The following PRDM6 variants were observed in gnomAD, a reference collection of about 807,000 sequenced individuals.
The protein encoded by PRDM6 is PR/SET domain 6, also known as putative histone-lysine N-methyltransferase PRDM6.
PRDM6 carries 25 observed loss-of-function variants against 60.8 expected under a neutral mutation model. The ratio of observed to expected loss-of-function variants is 0.41; its 90% CI spans 0.30 to 0.57. The LOEUF (loss-of-function observed/expected upper bound fraction) is 0.57. Ranked by LOEUF, PRDM6 falls within the 20% of genes least tolerant of loss-of-function variation. The pLI, the probability that PRDM6 is intolerant of heterozygous loss-of-function variation, is 0.27. For missense variants in PRDM6, 839 were observed against 821.3 expected (o/e 1.02, Z -0.26); for synonymous variants, 407 against 357.4 (o/e 1.14, Z -1.57).
chr5:123,167,467 G>A (rs1473421749), intron 5 of PRDM6, among the ~76,000 whole-genome samples: 2 of 151,300 alleles, frequency 1.3e-5, no homozygotes, highest in Non-Finnish European at 2.9e-5. Context: ...TCGGCTCACC[G>A]CAACCTCTGC....
chr5:123,144,334 C>T (rs770168733), intron 3 of PRDM6, among the ~76,000 whole-genome samples: 1 of 152,194 alleles, frequency 6.6e-6, no homozygotes, highest in Non-Finnish European at 1.5e-5. Flanking sequence ...TACACATTTT[C>T]GAATTCCTTT....
At chr5:123,186,420 T>C (rs1000098407) in intron 7 of PRDM6, among the ~76,000 whole-genome samples, 14 of 152,202 alleles carry the variant, frequency 9.2e-5, no homozygotes, top group African/African-American at 3.4e-4. Context: ...AAGTGTGACA[T>C]TTTCTCCTCA....
intron 2 of PRDM6, among the ~76,000 whole-genome samples, chr5:123,096,376 A>G (rs1481904429): frequency 6.6e-6 from 1 of 152,034 alleles, no homozygotes; most frequent in Non-Finnish European, 1.5e-5. Context: ...AGGTGTTTAT[A>G]CTCTGCTAGA....
chr5:123,097,508 G>A (rs1330413017), intron 2 of PRDM6, among the ~76,000 whole-genome samples: 1 of 152,154 alleles, frequency 6.6e-6, no homozygotes, highest in Non-Finnish European at 1.5e-5. Context: ...TCTGCAGAAT[G>A]GGAATCATGA....
Position 123,187,385 on chromosome 5 carries a change from A to C in PRDM6, c.*184A>C. 1 of 473,242 alleles carries C rather than the reference A, an allele frequency of 2.1e-6. No homozygotes were observed. The allele number at this position is 473,242 out of a possible 1,614,324, so 29.3% of individuals were successfully genotyped here. A position where few individuals can be genotyped will look rare whatever the true frequency, so the allele number is the denominator to read the frequency against. ...GCATGGAAGTCAGACCAGGAAAGAGATTATTTATTTATGACTTAGGGATGA... is the reference window on the plus strand; with the variant it reads ...GCATGGAAGTCAGACCAGGAAAGAGCTTATTTATTTATGACTTAGGGATGA... On this transcript the variant is annotated 3_prime_UTR_variant, in exon 8 of 8. Transcript: ENST00000407847.
At chr5:123,139,144 G>A (rs1010399625) in intron 3 of PRDM6, among the ~76,000 whole-genome samples, 19 of 152,186 alleles carry the variant, frequency 1.2e-4, no homozygotes, top group Non-Finnish European at 5.9e-5. Flanking sequence ...CTACCATGCG[G>A]AACTGTGAGT....
At chr5:123,097,620 T>C (rs950949640) in intron 2 of PRDM6, among the ~76,000 whole-genome samples, 2 of 152,058 alleles carry the variant, frequency 1.3e-5, no homozygotes, top group African/African-American at 4.8e-5. Context: ...CAAAATGTCT[T>C]GAAGTTTTTA....
intron 3 of PRDM6, among the ~76,000 whole-genome samples, chr5:123,138,811 A>G (rs1765030937): frequency 6.6e-6 from 1 of 152,214 alleles, no homozygotes; most frequent in Non-Finnish European, 1.5e-5. Flanking sequence ...TAAGGAGAGA[A>G]GCAGCAGGGC....
At chr5:123,142,894 A>AC (rs1765141923) in intron 3 of PRDM6, among the ~76,000 whole-genome samples, 2 of 149,024 alleles carry the variant, frequency 1.3e-5, no homozygotes. Flanking sequence ...AAAAAAAAAA[A>AC]AAAAAAAACA....
intron 3 of PRDM6, among the ~76,000 whole-genome samples, chr5:123,146,014 C>A (rs1011625540): frequency 6.6e-6 from 1 of 152,122 alleles, no homozygotes; most frequent in African/African-American, 2.4e-5. Context: ...TGTGTGTCTG[C>A]GCATGTATAG....
At chr5:123,153,397 G>C (rs1765417096) in intron 3 of PRDM6, among the ~76,000 whole-genome samples, 3 of 152,176 alleles carry the variant, frequency 2.0e-5, no homozygotes, top group Non-Finnish European at 4.4e-5. Context: ...TGGATTTGAT[G>C]ATGGCTAGGC....
In PRDM6 at chr5:123,129,675, A is replaced by G. The variant is rs145810389; in HGVS notation, c.901-26209A>G. Among the ~76,000 whole-genome samples, 745 of 152,300 alleles carry G rather than the reference A, an allele frequency of 4.9e-3. 2 individuals are homozygous for G. The highest frequency in any genetic ancestry group is 0.014 in the Middle Eastern group (4 of 294). ...AAACCTGTAGGTCTATCCTAAATTC[A>G]CTGAATTTAGGTGTGTGAGAAACAC... On this transcript the variant is annotated intron_variant, in intron 3 of 7. Coordinates refer to ENST00000407847, the MANE Select transcript of PRDM6 (RefSeq NM_001136239.4).
At chr5:123,152,009 A>AG (rs971387555) in intron 3 of PRDM6, among the ~76,000 whole-genome samples, 11 of 152,224 alleles carry the variant, frequency 7.2e-5, no homozygotes, top group African/African-American at 2.4e-4. Flanking sequence ...AAAAAAAAAC[A>AG]GAAAAAAACA....
intron 3 of PRDM6, among the ~76,000 whole-genome samples, chr5:123,119,494 C>T (rs956329294): frequency 6.6e-6 from 1 of 152,170 alleles, no homozygotes; most frequent in Non-Finnish European, 1.5e-5. Context: ...TCCTCAGCTG[C>T]AACATCTACA....
chr5:123,178,913 A>T (rs1267909876), intron 6 of PRDM6, among the ~76,000 whole-genome samples: 2 of 152,236 alleles, frequency 1.3e-5, no homozygotes, highest in Admixed American at 6.5e-5. Context: ...AAGGTTGAGC[A>T]ATTAAGTCTG....
rs1160933650 is a variant in PRDM6 at position 123,180,186 on chromosome 5, G to A, written c.1536G>A (p.Gln512=). The part of the protein sequence containing the change: ...QCGHCSQSFS[Q]PSELRNHVVT... ...GCCACTGCTCCCAGTCCTTTTCCCA[G>A]CCTTCAGAACTGAGGAACCACGTGG... The change falls in exon 7 of 8, where the codon CAG becomes CAA. Residue 512 remains glutamine, a synonymous_variant. Coordinates refer to ENST00000407847, the MANE Select transcript of PRDM6 (RefSeq NM_001136239.4). The A allele has an allele frequency of 6.4e-7, 1 of 1,551,672 alleles. No homozygotes were observed. Among genetic ancestry groups the A allele is most frequent in the Admixed American group, 2.0e-5 (1 of 50,960 alleles).
At chr5:123,120,895 T>C (rs1764564795) in intron 3 of PRDM6, among the ~76,000 whole-genome samples, 1 of 152,240 alleles carries the variant, frequency 6.6e-6, no homozygotes, top group African/African-American at 2.4e-5. Flanking sequence ...TTCTGTATAT[T>C]GGGAATTATC....
chr5:123,155,508 C>CTCGAATGTGGA (rs1425315939), intron 3 of PRDM6, among the ~76,000 whole-genome samples: 1 of 151,916 alleles, frequency 6.6e-6, no homozygotes, highest in African/African-American at 2.4e-5. Flanking sequence ...ACTGGGGGGC[C>CTCGAATGTGGA]TCGAATGTGG....
At chr5:123,123,122 A>G (rs915289134) in intron 3 of PRDM6, among the ~76,000 whole-genome samples, 1 of 152,210 alleles carries the variant, frequency 6.6e-6, no homozygotes, top group Non-Finnish European at 1.5e-5. Context: ...CAGAAAGGTT[A>G]TATCAGTTTA....
Sources: allele counts gnomAD v4.1 joint callset (sites outside exome capture counted in the v4.1 genomes callset), GRCh38; gene constraint gnomAD v4.1.1; transcripts MANE v1.5; gene names NCBI Gene and HGNC (gene_info 2026-07-23, HGNC 2026-07-21).